NALCN: variants seen among roughly 807,000 people sequenced by gnomAD.
The protein encoded by NALCN is sodium leak channel NALCN.
A neutral mutation model predicts 225.3 loss-of-function variants in NALCN; 111 were observed. That is an observed-to-expected ratio of 0.49 (90% CI 0.42 to 0.58). The LOEUF is 0.58. Ranked by LOEUF, NALCN falls within the 20% of genes least tolerant of loss-of-function variation. The pLI is 0.00. For missense variants in NALCN, 1,378 were observed against 2,202.4 expected (o/e 0.63, Z 7.49); for synonymous variants, 764 against 769.0 (o/e 0.99, Z 0.11).
intron 6 of NALCN, among the ~76,000 whole-genome samples, chr13:101,362,753 G>C (rs757654992): frequency 6.6e-6 from 1 of 151,986 alleles, no homozygotes; most frequent in Non-Finnish European, 1.5e-5. Flanking sequence ...AATCAGATAA[G>C]AGAAAGAAAT....
chr13:101,083,471 A>G (rs1258446802), intron 31 of NALCN, among the ~76,000 whole-genome samples: 1 of 152,166 alleles, frequency 6.6e-6, no homozygotes, highest in Admixed American at 6.5e-5. Flanking sequence ...GAGCAAATAT[A>G]TTTTATTTAA....
chr13:101,198,765 A>G (rs991941992), intron 13 of NALCN, among the ~76,000 whole-genome samples: 21 of 152,212 alleles, frequency 1.4e-4, no homozygotes, highest in Non-Finnish European at 2.9e-4. Flanking sequence ...TAGAATTACC[A>G]TTTGACCCAG....
intron 7 of NALCN, among the ~76,000 whole-genome samples, chr13:101,331,730 G>T (rs2045180817): frequency 6.6e-6 from 1 of 152,120 alleles, no homozygotes; most frequent in Non-Finnish European, 1.5e-5. Context: ...AGCTGGAGAT[G>T]AACTTTGGAG....
chr13:101,235,282 C>A (rs554049844), intron 12 of NALCN, among the ~76,000 whole-genome samples: 1 of 151,982 alleles, frequency 6.6e-6, no homozygotes, highest in African/African-American at 2.4e-5. Flanking sequence ...ATATTTTGCA[C>A]ACAAATGTTA....
intron 6 of NALCN, among the ~76,000 whole-genome samples, chr13:101,349,977 T>A (rs1025449132): frequency 6.6e-6 from 1 of 152,136 alleles, no homozygotes; most frequent in Admixed American, 6.6e-5. Context: ...TGATACCTAC[T>A]TCTCCCTCAA....
At chr13:101,229,651 A>G in intron 12 of NALCN, 67 bp from the exon 13 acceptor site, 1 of 1,243,990 alleles carries the variant, frequency 8.0e-7, no homozygotes, top group Non-Finnish European at 1.1e-6. Flanking sequence ...TCTTAAATAT[A>G]TTCATACTAA....
intron 13 of NALCN, among the ~76,000 whole-genome samples, chr13:101,196,638 G>A (rs958154868): frequency 4.6e-5 from 7 of 152,164 alleles, no homozygotes. Flanking sequence ...GGTACAGGGA[G>A]AGAAGTATTA....
At chr13:101,066,285 G>A (rs2032381436) in intron 39 of NALCN, among the ~76,000 whole-genome samples, 1 of 149,326 alleles carries the variant, frequency 6.7e-6, no homozygotes, top group African/African-American at 2.5e-5. Context: ...ATTCCAGCCT[G>A]GAGACAGAGT....
Position 101,089,866 on chromosome 13 carries a change from T to C in NALCN, c.3370A>G (p.Ile1124Val). Residue 1124 changes from isoleucine to valine, a missense_variant, in exon 29 of 44, where the codon ATT becomes GTT. This residue lies in a region of NALCN where 292 missense variants were observed against 409.5 expected (regional missense o/e 0.71). Coordinates refer to ENST00000251127, the MANE Select transcript of NALCN (RefSeq NM_052867.4). This position sits in a 1 kb window ranked among gnomAD's most constrained non-coding sequence, Gnocchi z 4.7. ...CTTACCGGCCCCACACGATGAATAA[T>C]AACATCTCTCACTTCCACCCAGCCT... ...LKGWVEVRDV[I>V]IHRVGPIHGI... 1 of 1,614,040 alleles carries C rather than the reference T, an allele frequency of 6.2e-7. No individual in the cohort carries two copies. The highest frequency in any genetic ancestry group is 1.1e-5 in the South Asian group (1 of 91,082).
Position 101,360,231 on chromosome 13 carries a change from C to CTCT in NALCN, c.645-14812_645-14811insAGA, listed in dbSNP as rs2046213644. On this transcript the variant is annotated intron_variant, in intron 6 of 43. Transcript: ENST00000251127. ...CTCTCTCTCTCTCTCTCTCTCTCTC[C>CTCT]TTCCTTCCTTCCTTCCTTCGATGGA... Among the ~76,000 whole-genome samples, 285 of 73,204 alleles carry CTCT rather than the reference C, an allele frequency of 3.9e-3. 1 individual carries two copies. Among genetic ancestry groups the CTCT allele is most frequent in the African/African-American group, 9.0e-3 (258 of 28,618 alleles). The allele number at this position is 73,204 out of a possible 152,430, so 48.0% of individuals were successfully genotyped here. A position where few individuals can be genotyped will look rare whatever the true frequency, so the allele number is the denominator to read the frequency against.
intron 14 of NALCN, among the ~76,000 whole-genome samples, chr13:101,187,874 G>A (rs74117679): frequency 0.013 from 2,000 of 152,236 alleles, 40 homozygotes; most frequent in African/African-American, 0.046. Context: ...AGGGTCATGA[G>A]GCAATACTGA....
chr13:101,130,893 A>G (rs2036485782), intron 17 of NALCN, among the ~76,000 whole-genome samples: 1 of 152,130 alleles, frequency 6.6e-6, no homozygotes, highest in African/African-American at 2.4e-5. Flanking sequence ...ATGTTTCAGA[A>G]AAGTTTAGTA....
intron 3 of NALCN, among the ~76,000 whole-genome samples, chr13:101,382,687 A>G (rs2139440085): frequency 6.6e-6 from 1 of 152,340 alleles, no homozygotes; most frequent in South Asian, 2.1e-4. Flanking sequence ...TTAGAAGCAT[A>G]CAAACATCTT....
intron 7 of NALCN, among the ~76,000 whole-genome samples, chr13:101,331,913 C>G (rs986558774): frequency 1.6e-4 from 24 of 152,174 alleles, no homozygotes; most frequent in African/African-American, 5.8e-4. Context: ...CCACCTGTGT[C>G]TGGGGAGGCA....
chr13:101,393,574 T>C (rs2047202792), intron 3 of NALCN, among the ~76,000 whole-genome samples: 1 of 152,116 alleles, frequency 6.6e-6, no homozygotes, highest in African/African-American at 2.4e-5. Flanking sequence ...GAAACATAAG[T>C]GGGAGGCCGA....
intron 1 of NALCN, among the ~76,000 whole-genome samples, chr13:101,403,690 C>G (rs914563850): frequency 9.2e-5 from 14 of 152,182 alleles, no homozygotes; most frequent in Admixed American, 1.3e-4. Context: ...TACATCAATA[C>G]CAACAACCAC....
chr13:101,321,017 G>A (rs557222986), intron 7 of NALCN, among the ~76,000 whole-genome samples: 3 of 152,040 alleles, frequency 2.0e-5, no homozygotes, highest in Admixed American at 6.6e-5. Context: ...CAATGATGCC[G>A]ATGTTATGAC....
chr13:101,122,165 T>G (rs1430782012), intron 18 of NALCN, among the ~76,000 whole-genome samples: 1 of 152,152 alleles, frequency 6.6e-6, no homozygotes, highest in East Asian at 1.9e-4. Context: ...AGATAAGTAT[T>G]CCCAAAATAT....
chr13:101,171,280 AT>A (rs1213380135), intron 15 of NALCN, among the ~76,000 whole-genome samples: 1 of 148,992 alleles, frequency 6.7e-6, no homozygotes, highest in Non-Finnish European at 1.5e-5. Flanking sequence ...TATTACATAT[AT>A]TTATAAATAT....
Sources: allele counts gnomAD v4.1 joint callset (sites outside exome capture counted in the v4.1 genomes callset), GRCh38; gene constraint gnomAD v4.1.1; regional missense constraint gnomAD v4.1.1; non-coding constraint Gnocchi (gnomAD v3.1); transcripts MANE v1.5; gene names NCBI Gene and HGNC (gene_info 2026-07-23, HGNC 2026-07-21).